SEMA3E: variants seen among roughly 807,000 people sequenced by gnomAD.
The protein encoded by SEMA3E is semaphorin-3E.
SEMA3E carries 49 observed loss-of-function variants against 93.6 expected under a neutral mutation model. That is an observed-to-expected ratio of 0.52 (90% CI 0.42 to 0.66). The LOEUF is 0.66. Among genes scored for constraint, SEMA3E ranks in the 30% least tolerant of loss-of-function variants. The pLI is 0.00. For synonymous variants in SEMA3E, 363 were observed against 330.7 expected (o/e 1.10, Z -1.06); for missense variants, 906 against 964.8 (o/e 0.94, Z 0.81).
intron 15 of SEMA3E, among the ~76,000 whole-genome samples, chr7:83,386,271 C>G (rs1187153921): frequency 6.6e-6 from 1 of 152,048 alleles, no homozygotes; most frequent in Non-Finnish European, 1.5e-5. Context: ...GGAGCACAGT[C>G]TCTGGCTCTG....
intron 2 of SEMA3E, among the ~76,000 whole-genome samples, chr7:83,483,759 A>G (rs1790195884): frequency 6.6e-6 from 1 of 152,200 alleles, no homozygotes; most frequent in Non-Finnish European, 1.5e-5. Flanking sequence ...GGGAAACATC[A>G]TGTGGAAACA....
chr7:83,397,335 G>T (rs1422783057), intron 11 of SEMA3E, among the ~76,000 whole-genome samples: 1 of 152,032 alleles, frequency 6.6e-6, no homozygotes, highest in Non-Finnish European at 1.5e-5. Context: ...TAAGAGAGAT[G>T]CCAAATTATT....
intron 1 of SEMA3E, among the ~76,000 whole-genome samples, chr7:83,549,515 G>A (rs113645821): frequency 2.5e-4 from 38 of 151,726 alleles, no homozygotes; most frequent in Non-Finnish European, 3.7e-4. Flanking sequence ...TATCCCATTC[G>A]TATCATTAAA....
intron 2 of SEMA3E, among the ~76,000 whole-genome samples, chr7:83,474,452 T>C (rs1274310664): frequency 6.6e-6 from 1 of 152,254 alleles, no homozygotes; most frequent in Non-Finnish European, 1.5e-5. Context: ...CATCATGTGT[T>C]CTTTAATTTT....
At position 83,392,663 on chromosome 7, in the gene SEMA3E, T is replaced by A. The variant is rs1305813257; in HGVS notation, c.1559A>T (p.Asp520Val). 6.2e-7 allele frequency: 1 copy of A among 1,613,844 alleles called. No homozygotes were observed. The highest frequency in any genetic ancestry group is 1.7e-5 in the Admixed American group (1 of 59,960). ...GTCAGCACAAGCACTTCCATACATG[T>A]CACAGTGATGGAATCTGACTTGAGC... ...AVAQVRFHHC[D>V]MYGSACADCC... is the part of the protein sequence containing the mutation. Residue 520 changes from aspartate (D) to valine (V), a missense_variant, in exon 14 of 17, where the codon GAC becomes GTC. Physicochemically the swap from Asp to Val is radical, Grantham distance 152. Transcript: ENST00000643230.
intron 1 of SEMA3E, among the ~76,000 whole-genome samples, chr7:83,549,133 C>T (rs1298795350): frequency 6.6e-6 from 1 of 152,104 alleles, no homozygotes; most frequent in Non-Finnish European, 1.5e-5. Flanking sequence ...TACTGGAATT[C>T]TACATAATGA....
rs2722976 is a variant in SEMA3E, at chr7:83,402,871, T to C, written c.999-95A>G. 0.68 allele frequency: 846,357 copies of C among 1,244,244 alleles called. 296,300 individuals carry two copies. Among genetic ancestry groups the C allele is most frequent in the East Asian group, 0.83 (32,800 of 39,498 alleles). 77.1% of individuals were successfully genotyped at this position (1,244,244 alleles called of 1,614,324 possible). Reference sequence around the variant, plus strand: ...CTACAAAGATAAGAGTCAAGTCTTTTGGGTAAAGTGGTTGCAATTTCTTTA... The same window carrying C: ...CTACAAAGATAAGAGTCAAGTCTTTCGGGTAAAGTGGTTGCAATTTCTTTA... On this transcript the variant is annotated intron_variant, in intron 9 of 16. Coordinates refer to ENST00000643230, the MANE Select transcript of SEMA3E (RefSeq NM_012431.3).
intron 4 of SEMA3E, among the ~76,000 whole-genome samples, chr7:83,420,031 C>T (rs1255466504): frequency 1.3e-5 from 2 of 152,148 alleles, no homozygotes; most frequent in East Asian, 1.9e-4. Context: ...TGATTCTATA[C>T]CTAGAAAATT....
chr7:83,524,295 T>C (rs2115698399), intron 1 of SEMA3E, among the ~76,000 whole-genome samples: 1 of 152,276 alleles, frequency 6.6e-6, no homozygotes, highest in East Asian at 1.9e-4. Flanking sequence ...TCCAGTCTTC[T>C]TCAGCAGATA....
At chr7:83,526,728 T>G (rs747862447) in intron 1 of SEMA3E, among the ~76,000 whole-genome samples, 9 of 152,156 alleles carry the variant, frequency 5.9e-5, no homozygotes, top group Non-Finnish European at 1.0e-4. Flanking sequence ...AGTTCAGTGG[T>G]TTGTGCTTTA....
intron 2 of SEMA3E, among the ~76,000 whole-genome samples, chr7:83,482,760 T>C (rs1277742766): frequency 6.6e-6 from 1 of 151,906 alleles, no homozygotes; most frequent in Non-Finnish European, 1.5e-5. Flanking sequence ...CCAATGTTAA[T>C]ACAATATGGG....
At chr7:83,623,882 C>A (rs183456630) in intron 1 of SEMA3E, among the ~76,000 whole-genome samples, 16 of 151,816 alleles carry the variant, frequency 1.1e-4, no homozygotes, top group Admixed American at 2.0e-4. Context: ...CCTTGCCCCC[C>A]ACCCCCAACA....
intron 1 of SEMA3E, among the ~76,000 whole-genome samples, chr7:83,584,429 T>C (rs17157874): frequency 0.043 from 6,547 of 152,220 alleles, 385 homozygotes; most frequent in African/African-American, 0.13. Flanking sequence ...CATTGACAGA[T>C]TTATAAAATG....
At chr7:83,631,635 C>G (rs1011054392) in intron 1 of SEMA3E, among the ~76,000 whole-genome samples, 1 of 152,170 alleles carries the variant, frequency 6.6e-6, no homozygotes, top group African/African-American at 2.4e-5. Context: ...AAGTGCATGT[C>G]TTTTTCAGGG....
chr7:83,385,455 C>T (rs1342452344), intron 15 of SEMA3E, 22 bp from the exon 16 acceptor site: 1 of 1,611,998 alleles, frequency 6.2e-7, no homozygotes. Context: ...ACATTAATGC[C>T]ATCTTTGAGA....
chr7:83,435,616 G>T (rs998545584), intron 4 of SEMA3E, among the ~76,000 whole-genome samples: 13 of 151,722 alleles, frequency 8.6e-5, no homozygotes, highest in African/African-American at 2.7e-4. Context: ...AATAAATAAA[G>T]AAAGAAAGAA....
At chr7:83,641,443 G>C in intron 1 of SEMA3E, 1 of 942,778 alleles carries the variant, frequency 1.1e-6, no homozygotes, top group South Asian at 4.9e-5. Context: ...ACTTTAGGCA[G>C]TGTGGTCTGG....
intron 4 of SEMA3E, among the ~76,000 whole-genome samples, chr7:83,463,393 T>C (rs1266327724): frequency 1.3e-5 from 2 of 152,144 alleles, no homozygotes; most frequent in Non-Finnish European, 2.9e-5. Context: ...TCTCATAACT[T>C]CCAAAATCTA....
At position 83,553,294 on chromosome 7, in the gene SEMA3E, G is replaced by T. The variant is rs555569802; in HGVS notation, c.116-63020C>A. The stretch of plus-strand genomic sequence containing the variant: ...TCTCTTTCCTCCTCCATACATCCAT[G>T]TATAACTCCCTACAGTCCTCCACTT... On this transcript the variant is annotated intron_variant, in intron 1 of 16. Coordinates refer to ENST00000643230, the MANE Select transcript of SEMA3E (RefSeq NM_012431.3). Among the ~76,000 whole-genome samples, 86 of 152,190 alleles carry T rather than the reference G, an allele frequency of 5.7e-4. No homozygotes were observed. The South Asian group carries it at 8.3e-3, about 15-fold the overall frequency.
Sources: allele counts gnomAD v4.1 joint callset (sites outside exome capture counted in the v4.1 genomes callset), GRCh38; gene constraint gnomAD v4.1.1; transcripts MANE v1.5; gene names NCBI Gene and HGNC (gene_info 2026-07-23, HGNC 2026-07-21).